Variants in KLHL32 observed in about 807,000 individuals in gnomAD.
KLHL32 encodes kelch-like protein 32.
Under a neutral mutation model 64.8 loss-of-function variants are expected in KLHL32, and 35 were observed. The ratio of observed to expected loss-of-function variants is 0.54; its 90% CI spans 0.41 to 0.72. The LOEUF is 0.72. Ranked by LOEUF, KLHL32 falls within the 30% of genes least tolerant of loss-of-function variation. The pLI is 0.00. For missense variants in KLHL32, 589 were observed against 768.5 expected, an observed-to-expected ratio of 0.77 and a Z score of 2.76; for synonymous variants, 259 against 281.0, an observed-to-expected ratio of 0.92 and a Z score of 0.78.
intron 4 of KLHL32, among the ~76,000 whole-genome samples, chr6:97,055,795 CT>C (rs1562286235): frequency 6.4e-5 from 2 of 31,282 alleles, no homozygotes; most frequent in African/African-American, 5.4e-4. Flanking sequence ...GAGAACCTGT[CT>C]AAAAAAAAAA....
intron 7 of KLHL32, among the ~76,000 whole-genome samples, chr6:97,121,883 G>A (rs527811170): frequency 1.8e-4 from 28 of 152,336 alleles, no homozygotes; most frequent in African/African-American, 6.3e-4. Context: ...GAACTTAGCT[G>A]ATGGTGGAAG....
chr6:97,054,187 A>G (rs1012016740), intron 4 of KLHL32, among the ~76,000 whole-genome samples: 1 of 152,214 alleles, frequency 6.6e-6, no homozygotes, highest in Non-Finnish European at 1.5e-5. Flanking sequence ...GATGATTTAT[A>G]TTGGAAGTTA....
At chr6:97,038,325 C>CA (rs142479378) in intron 3 of KLHL32, among the ~76,000 whole-genome samples, 17,549 of 138,886 alleles carry the variant, frequency 0.13, 1,064 homozygotes, top group African/African-American at 0.16. Flanking sequence ...AGTTCACTAG[C>CA]AAAAAAAAAA....
chr6:97,050,729 G>A (rs1408585397), intron 4 of KLHL32, among the ~76,000 whole-genome samples: 1 of 152,142 alleles, frequency 6.6e-6, no homozygotes, highest in Non-Finnish European at 1.5e-5. Context: ...TGGGCTGGAC[G>A]CAGTGGCTCA....
At chr6:97,030,347 C>A (rs1783356276) in intron 3 of KLHL32, among the ~76,000 whole-genome samples, 1 of 152,174 alleles carries the variant, frequency 6.6e-6, no homozygotes. Flanking sequence ...AAGAAAACGT[C>A]ACATACTGTG....
intron 10 of KLHL32, 33 bp downstream of exon 10, chr6:97,132,780 C>G (rs375039277): frequency 6.8e-7 from 1 of 1,471,038 alleles, no homozygotes; most frequent in Admixed American, 1.8e-5. Context: ...GAAGTTTGTT[C>G]AAGTGGTTCA....
At chr6:97,136,434 G>T (rs1014580898) in intron 10 of KLHL32, among the ~76,000 whole-genome samples, 10 of 152,166 alleles carry the variant, frequency 6.6e-5, no homozygotes, top group Non-Finnish European at 1.3e-4. Context: ...GTTGAGATTT[G>T]GACTTGTTAG....
chr6:97,123,248 T>C (rs1199082897), intron 7 of KLHL32, among the ~76,000 whole-genome samples: 1 of 152,202 alleles, frequency 6.6e-6, no homozygotes, highest in Admixed American at 6.5e-5. Flanking sequence ...TTGAGTAGAA[T>C]ATGAGTTTGA....
At chr6:97,064,197 C>G (rs1789351464) in intron 4 of KLHL32, among the ~76,000 whole-genome samples, 1 of 152,098 alleles carries the variant, frequency 6.6e-6, no homozygotes, top group Non-Finnish European at 1.5e-5. Context: ...AACATATGCC[C>G]CTTTCCCTAA....
chr6:97,109,420 A>G (rs1015357508), intron 6 of KLHL32, among the ~76,000 whole-genome samples: 2 of 152,248 alleles, frequency 1.3e-5, no homozygotes, highest in African/African-American at 4.8e-5. Context: ...TCTGTAATAC[A>G]TAGTATTTGG....
At chr6:96,932,904 T>G (rs1026093863) in intron 1 of KLHL32, among the ~76,000 whole-genome samples, 2 of 152,212 alleles carry the variant, frequency 1.3e-5, no homozygotes, top group Non-Finnish European at 2.9e-5. Context: ...TGTTTCATGC[T>G]GTTTTTATCA....
At chr6:96,899,513 G>C in the KLHL32 span, among the ~76,000 whole-genome samples, 1 of 152,190 alleles carries the variant, frequency 6.6e-6, no homozygotes, top group Non-Finnish European at 1.5e-5. Context: ...GGACAGTAGG[G>C]ATTACAATAT....
intron 3 of KLHL32, among the ~76,000 whole-genome samples, chr6:96,995,181 C>T (rs560295865): frequency 1.3e-5 from 2 of 152,306 alleles, no homozygotes; most frequent in East Asian, 3.9e-4. Flanking sequence ...ACCTGACACT[C>T]AATAAATGTG....
At position 97,072,269 on chromosome 6, in the gene KLHL32, C is replaced by T. The variant is rs112333403; in HGVS notation, c.411+7543C>T. ...ACTGTCTTCAATCAGATCCACATTACTTATTTTATGGACTAAAGCAACTTC... is the reference window on the plus strand; with the variant it reads ...ACTGTCTTCAATCAGATCCACATTATTTATTTTATGGACTAAAGCAACTTC... On this transcript the variant is annotated intron_variant, in intron 5 of 10. Coordinates refer to ENST00000369261, the MANE Select transcript of KLHL32 (RefSeq NM_052904.4). Among the ~76,000 whole-genome samples, 1,289 of 152,278 alleles carry T rather than the reference C, an allele frequency of 8.5e-3. 16 individuals are homozygous for T. Among genetic ancestry groups the T allele is most frequent in the African/African-American group, 0.028 (1,174 of 41,538 alleles).
At chr6:97,069,671 A>G (rs1790390092) in intron 5 of KLHL32, among the ~76,000 whole-genome samples, 1 of 152,096 alleles carries the variant, frequency 6.6e-6, no homozygotes, top group Non-Finnish European at 1.5e-5. Context: ...GGAGTTCATT[A>G]TGTACTGAGG....
the KLHL32 span, among the ~76,000 whole-genome samples, chr6:96,911,439 C>A: frequency 6.6e-6 from 1 of 152,142 alleles, no homozygotes; most frequent in African/African-American, 2.4e-5. Context: ...AAACAATAAG[C>A]TTCTCAATCA....
the KLHL32 span, among the ~76,000 whole-genome samples, chr6:96,899,211 G>A: frequency 6.6e-6 from 1 of 152,152 alleles, no homozygotes; most frequent in Non-Finnish European, 1.5e-5. Context: ...TGAAATCAGT[G>A]ATCTCAGATA....
intron 3 of KLHL32, among the ~76,000 whole-genome samples, chr6:96,989,594 G>T (rs1487179934): frequency 2.0e-5 from 3 of 152,122 alleles, no homozygotes; most frequent in African/African-American, 7.2e-5. Context: ...TGGTCGTCTT[G>T]TATAGTATCT....
intron 7 of KLHL32, among the ~76,000 whole-genome samples, chr6:97,119,555 G>A (rs1178263061): frequency 1.3e-5 from 2 of 152,128 alleles, no homozygotes; most frequent in South Asian, 2.1e-4. Context: ...GGAAGAAGGC[G>A]GAAACTAGAA....
Sources: allele counts gnomAD v4.1 joint callset (sites outside exome capture counted in the v4.1 genomes callset), GRCh38; gene constraint gnomAD v4.1.1; transcripts MANE v1.5; gene names NCBI Gene and HGNC (gene_info 2026-07-23, HGNC 2026-07-21).